Variants in PCDHGB3 observed in about 807,000 individuals in gnomAD.
The protein encoded by PCDHGB3 is protocadherin gamma subfamily B, 3.
Under a neutral mutation model 59.2 loss-of-function variants are expected in PCDHGB3, and 40 were observed. The ratio of observed to expected loss-of-function variants is 0.68; its 90% CI spans 0.52 to 0.88. The LOEUF (loss-of-function observed/expected upper bound fraction) is 0.88, where lower values mean the gene tolerates loss of function less well. Among genes scored for constraint, PCDHGB3 ranks in the 40% least tolerant of loss-of-function variants. The probability of loss-of-function intolerance (pLI) is 0.00; values close to 1 mark genes in which losing one functional copy is unlikely to be tolerated. For missense variants in PCDHGB3, 1,309 were observed against 1,187.9 expected, an observed-to-expected ratio of 1.10 and a Z score of -1.50; for synonymous variants, 581 against 503.6, an observed-to-expected ratio of 1.15 and a Z score of -2.06.
At chr5:141,418,836 C>T (rs2096292464) in intron 1 of PCDHGB3, 1 of 1,613,984 alleles carries the variant, frequency 6.2e-7, no homozygotes, top group Non-Finnish European at 8.5e-7. Flanking sequence ...GACCGAGGAT[C>T]TCTCTCAACA....
chr5:141,437,715 C>T (rs2097903335), intron 1 of PCDHGB3, among the ~76,000 whole-genome samples: 1 of 151,772 alleles, frequency 6.6e-6, no homozygotes, highest in Non-Finnish European at 1.5e-5. Context: ...ACACAGTTAC[C>T]CTCTAATGTT....
Position 141,395,079 on chromosome 5 carries a change from G to A in PCDHGB3, c.2415+22270G>A, listed in dbSNP as rs777930721. On this transcript the variant is annotated intron_variant, in intron 1 of 3. Coordinates refer to ENST00000576222, the MANE Select transcript of PCDHGB3 (RefSeq NM_018924.5). ...GGCTTTCCTGCAGACCTATTCCCAG[G>A]AAGTCTCCCTCACCGCCGACTCGCG... 4.0e-5 allele frequency: 65 copies of A among 1,614,024 alleles called. 1 individual carries two copies. In the Middle Eastern group the frequency reaches 6.6e-4, roughly 16 times the overall value.
chr5:141,511,537 A>C lies in PCDHGB3; in HGVS notation c.*364A>C. 6.3e-6 allele frequency: 2 copies of C among 319,254 alleles called. No individual in the cohort carries two copies. The highest frequency in any genetic ancestry group is 6.7e-5 in the South Asian group (2 of 29,854). 19.8% of individuals were successfully genotyped at this position (319,254 alleles called of 1,614,324 possible). A position where few individuals can be genotyped will look rare whatever the true frequency, so the allele number is the denominator to read the frequency against. On this transcript the variant is annotated 3_prime_UTR_variant, in exon 4 of 4. Transcript: ENST00000576222. ...TCCATCCCATGCCTCCCTCCTCCCC[A>C]CCCCACTCCAACAGTTCCTCTTTCC... is the stretch of plus-strand genomic sequence containing the variant.
intron 1 of PCDHGB3, chr5:141,382,842 A>C: frequency 2.0e-6 from 3 of 1,464,302 alleles, no homozygotes; most frequent in Non-Finnish European, 2.8e-6. Context: ...ACCCGGATAC[A>C]CCCGCATTCT....
At chr5:141,374,341 C>T (rs1770393782) in intron 1 of PCDHGB3, 4 of 1,613,988 alleles carry the variant, frequency 2.5e-6, no homozygotes, top group Non-Finnish European at 3.4e-6. Flanking sequence ...GCTTGGTCAC[C>T]GCGGGTAGGA....
rs192411178 is a variant in PCDHGB3, at chr5:141,397,840, C to A, written c.2415+25031C>A. ...AATTACTGCACTGGTTAACTTGAAG[C>A]CGCAGAGGCTGTAGTTTCCTAGTGC... On this transcript the variant is annotated intron_variant, in intron 1 of 3. Transcript: ENST00000576222. 268 of 517,094 alleles carry A rather than the reference C, an allele frequency of 5.2e-4. 2 individuals carry two copies. Among genetic ancestry groups the A allele is most frequent in the African/African-American group, 4.6e-3 (241 of 51,950 alleles). The allele number at this position is 517,094 out of a possible 1,614,324, so 32.0% of individuals were successfully genotyped here. A position where few individuals can be genotyped will look rare whatever the true frequency, so the allele number is the denominator to read the frequency against.
chr5:141,495,028 G>C, intron 2 of PCDHGB3, 163 bp downstream of exon 2: 3 of 966,196 alleles, frequency 3.1e-6, no homozygotes, highest in Non-Finnish European at 3.7e-6. Flanking sequence ...CACAGACCCC[G>C]GAAGGAAGAG....
At chr5:141,417,712 C>T in intron 1 of PCDHGB3, 1 of 1,270,436 alleles carries the variant, frequency 7.9e-7, no homozygotes, top group Non-Finnish European at 1.1e-6. Context: ...ACAGAGGCTC[C>T]CGGCTGCGCA....
intron 1 of PCDHGB3, among the ~76,000 whole-genome samples, chr5:141,448,772 G>C (rs1034550563): frequency 1.5e-4 from 22 of 151,272 alleles, no homozygotes; most frequent in African/African-American, 3.7e-4. Context: ...AACCCCGTCT[G>C]TACTAAAAAT....
chr5:141,463,125 G>A (rs2099053159), intron 1 of PCDHGB3, among the ~76,000 whole-genome samples: 3 of 152,192 alleles, frequency 2.0e-5, no homozygotes, highest in East Asian at 1.9e-4. Context: ...ATAGCTCCCT[G>A]GCAGTTCTTC....
intron 1 of PCDHGB3, chr5:141,421,895 GA>G: frequency 6.2e-7 from 1 of 1,613,730 alleles, no homozygotes; most frequent in African/African-American, 1.3e-5. Flanking sequence ...GATCCCATCC[GA>G]AAGGGCGCAG....
intron 1 of PCDHGB3, chr5:141,422,726 T>C: frequency 5.6e-6 from 9 of 1,605,994 alleles, no homozygotes; most frequent in African/African-American, 4.0e-5. Flanking sequence ...GTCCAGGGGG[T>C]GCCTCTGTCC....
At chr5:141,498,967 GGGAGGGAAGGAAGGAAGGAA>G (rs1464205074) in intron 2 of PCDHGB3, among the ~76,000 whole-genome samples, 5 of 129,584 alleles carry the variant, frequency 3.9e-5, no homozygotes, top group African/African-American at 1.6e-4. Flanking sequence ...GAGGGAGGGA[GGGAGGGAAGGAAGGAAGGAA>G]GGAAGGAAGG....
In PCDHGB3 at chr5:141,489,261, A is replaced by C; in HGVS notation, c.2416-5546A>C. 6.4e-7 allele frequency: 1 copy of C among 1,551,956 alleles called. No individual in the cohort carries two copies. Among genetic ancestry groups the C allele is most frequent in the East Asian group, 2.2e-5 (1 of 44,450 alleles). Reference sequence around the variant, plus strand: ...GGGTCATGGGGCCCAAGACACTCCCACAGCTCGCTGGGAAATGGCAAGTGC... The same window carrying C: ...GGGTCATGGGGCCCAAGACACTCCCCCAGCTCGCTGGGAAATGGCAAGTGC... On this transcript the variant is annotated intron_variant, in intron 1 of 3. Coordinates refer to ENST00000576222, the MANE Select transcript of PCDHGB3 (RefSeq NM_018924.5). The surrounding 1 kb of genome is among the most constrained non-coding windows in gnomAD (Gnocchi z 4.5).
chr5:141,502,661 T>G (rs1440361647), intron 2 of PCDHGB3, among the ~76,000 whole-genome samples: 1 of 152,240 alleles, frequency 6.6e-6, no homozygotes. Flanking sequence ...CAACCCTTCA[T>G]GCAATTTTAG....
intron 1 of PCDHGB3, among the ~76,000 whole-genome samples, chr5:141,469,172 A>C (rs1310781965): frequency 6.6e-6 from 1 of 152,050 alleles, no homozygotes; most frequent in Admixed American, 6.6e-5. Context: ...GCTACTTGGG[A>C]GGCTGAGGCA....
intron 1 of PCDHGB3, chr5:141,385,452 G>A: frequency 6.9e-7 from 1 of 1,446,532 alleles, no homozygotes; most frequent in Non-Finnish European, 9.1e-7. Context: ...GAGTTTACCA[G>A]TTTCCTTCAG....
Position 141,494,802 on chromosome 5 carries a change from C to T in PCDHGB3, c.2416-5C>T. 5 of 1,614,120 alleles carry T rather than the reference C, an allele frequency of 3.1e-6. No individual in the cohort carries two copies. The highest frequency in any genetic ancestry group is 4.2e-6 in the Non-Finnish European group (5 of 1,180,016). ...TCAGCCCCTTTCCCTCTGTTTTCTC[C>T]ACAGCAAGCCCCGCCCAACACGGAC... is the stretch of plus-strand genomic sequence containing the variant. On this transcript the variant is annotated splice_polypyrimidine_tract_variant and splice_region_variant and intron_variant, in intron 1 of 3. Transcript: ENST00000576222.
chr5:141,481,151 G>A (rs1326614212), intron 1 of PCDHGB3, among the ~76,000 whole-genome samples: 1 of 152,198 alleles, frequency 6.6e-6, no homozygotes, highest in African/African-American at 2.4e-5. Context: ...TGTTATTCTG[G>A]TATTTGCAGA....
Sources: allele counts gnomAD v4.1 joint callset (sites outside exome capture counted in the v4.1 genomes callset), GRCh38; gene constraint gnomAD v4.1.1; non-coding constraint Gnocchi (gnomAD v3.1); transcripts MANE v1.5; gene names NCBI Gene and HGNC (gene_info 2026-07-23, HGNC 2026-07-21).